Variants in LRBA observed in about 807,000 individuals in gnomAD.
The protein encoded by LRBA is lipopolysaccharide-responsive and beige-like anchor protein.
In LRBA, 176 loss-of-function variants were observed where a neutral mutation model predicts 330.0. That is an observed-to-expected ratio of 0.53 (90% CI 0.47 to 0.60). The LOEUF (loss-of-function observed/expected upper bound fraction) is 0.60, where lower values mean the gene tolerates loss of function less well. Among genes scored for constraint, LRBA ranks in the 20% least tolerant of loss-of-function variants. The pLI is 0.00. For missense variants in LRBA, 3,259 were observed against 3,444.8 expected (o/e 0.95, Z 1.35); for synonymous variants, 1,230 against 1,193.0 (o/e 1.03, Z -0.64).
At position 150,264,687 on chromosome 4, in the gene LRBA, C is replaced by T. The variant is rs1038843006; in HGVS notation, c.*1035G>A. ...ACAACATACAAAGAATTTATTTATG[C>T]AATACAGGCCTTTTCTCAAATATTT... On this transcript the variant is annotated 3_prime_UTR_variant, in exon 57 of 57. Transcript: ENST00000651943. The T allele has an allele frequency of 6.6e-6, 1 of 152,624 alleles. No homozygotes were observed. The highest frequency in any genetic ancestry group is 1.9e-4 in the East Asian group (1 of 5,200). 9.5% of individuals were successfully genotyped at this position (152,624 alleles called of 1,614,324 possible). A position where few individuals can be genotyped will look rare whatever the true frequency, so the allele number is the denominator to read the frequency against.
At chr4:150,378,963 T>G (rs1419891301) in intron 47 of LRBA, among the ~76,000 whole-genome samples, 5 of 151,984 alleles carry the variant, frequency 3.3e-5, no homozygotes. Flanking sequence ...TTGTATTAAT[T>G]TACCCATTAA....
At chr4:150,779,528 T>A (rs1174186791) in intron 34 of LRBA, among the ~76,000 whole-genome samples, 1 of 152,084 alleles carries the variant, frequency 6.6e-6, no homozygotes, top group Non-Finnish European at 1.5e-5. Flanking sequence ...AGAAATCTCA[T>A]ATATTTACTG....
intron 44 of LRBA, among the ~76,000 whole-genome samples, chr4:150,440,145 T>C (rs1751633483): frequency 6.6e-6 from 1 of 152,116 alleles, no homozygotes; most frequent in African/African-American, 2.4e-5. Context: ...GACAAAGTAT[T>C]TTTCTTAAAA....
intron 47 of LRBA, among the ~76,000 whole-genome samples, chr4:150,380,762 G>C (rs888764491): frequency 6.6e-6 from 1 of 151,774 alleles, no homozygotes; most frequent in Non-Finnish European, 1.5e-5. Context: ...GATTACCTGA[G>C]ATCAGGAGTT....
intron 44 of LRBA, among the ~76,000 whole-genome samples, chr4:150,466,698 T>C (rs1013455699): frequency 1.3e-5 from 2 of 152,008 alleles, no homozygotes; most frequent in African/African-American, 2.4e-5. Flanking sequence ...TAGAAATTAC[T>C]AAGGAAAGAA....
intron 44 of LRBA, among the ~76,000 whole-genome samples, chr4:150,442,192 A>C (rs1419053832): frequency 6.6e-6 from 1 of 152,168 alleles, no homozygotes; most frequent in African/African-American, 2.4e-5. Flanking sequence ...CAAAAGTCTC[A>C]AGGGAGTTTT....
chr4:150,963,797 C>CT (rs1315093230), intron 2 of LRBA, among the ~76,000 whole-genome samples: 2 of 139,954 alleles, frequency 1.4e-5, no homozygotes, highest in African/African-American at 5.8e-5. Context: ...CCGCCCGGCC[C>CT]CCCAGTCTGG....
intron 47 of LRBA, among the ~76,000 whole-genome samples, chr4:150,383,173 C>T (rs1343118155): frequency 2.0e-5 from 3 of 152,188 alleles, no homozygotes; most frequent in Non-Finnish European, 4.4e-5. Context: ...ACTAAGTACA[C>T]TGTTCTTTAA....
intron 39 of LRBA, among the ~76,000 whole-genome samples, 181 bp from the exon 40 acceptor site, chr4:150,588,365 A>C (rs116131641): frequency 1.3e-3 from 191 of 152,332 alleles, no homozygotes; most frequent in African/African-American, 4.4e-3. Context: ...CAAAGTCAGG[A>C]TTCTCATACT....
chr4:150,483,953 T>C (rs184522953), intron 42 of LRBA, among the ~76,000 whole-genome samples: 54 of 152,208 alleles, frequency 3.5e-4, no homozygotes, highest in African/African-American at 1.1e-3. Flanking sequence ...AGGGATAAAA[T>C]TGAGTTTTAT....
intron 2 of LRBA, among the ~76,000 whole-genome samples, chr4:150,942,619 T>C (rs1735800396): frequency 6.6e-6 from 1 of 152,218 alleles, no homozygotes; most frequent in African/African-American, 2.4e-5. Context: ...TTTCTTAGAA[T>C]GCACAGAAGC....
intron 37 of LRBA, among the ~76,000 whole-genome samples, chr4:150,639,753 A>ATGTGTGTATGTATG (rs755120231): frequency 3.8e-5 from 1 of 26,386 alleles, no homozygotes; most frequent in South Asian, 2.2e-3. Context: ...ATATATATAT[A>ATGTGTGTATGTATG]TATATATATA....
intron 2 of LRBA, among the ~76,000 whole-genome samples, chr4:150,936,903 T>C (rs1478431806): frequency 6.6e-6 from 1 of 152,078 alleles, no homozygotes; most frequent in African/African-American, 2.4e-5. Flanking sequence ...ATATCCTCCA[T>C]GCGATCTAAA....
chr4:150,386,238 T>A (rs1743036001), intron 47 of LRBA, among the ~76,000 whole-genome samples: 1 of 152,128 alleles, frequency 6.6e-6, no homozygotes, highest in South Asian at 2.1e-4. Context: ...AAAAAAAAAA[T>A]TAAATACCTT....
intron 28 of LRBA, among the ~76,000 whole-genome samples, chr4:150,839,485 T>C (rs950582346): frequency 1.7e-4 from 26 of 152,050 alleles, no homozygotes; most frequent in African/African-American, 5.8e-4. Flanking sequence ...TTGGAACCAA[T>C]CCAAATGTCC....
chr4:150,537,639 C>G (rs1764809218), intron 40 of LRBA, among the ~76,000 whole-genome samples: 1 of 151,912 alleles, frequency 6.6e-6, no homozygotes, highest in African/African-American at 2.4e-5. Flanking sequence ...CAAGCAAAAC[C>G]CAAAGAACCC....
intron 17 of LRBA, among the ~76,000 whole-genome samples, chr4:150,883,953 A>C (rs868128690): frequency 6.6e-6 from 1 of 152,236 alleles, no homozygotes; most frequent in Non-Finnish European, 1.5e-5. Context: ...CCATGAAAAA[A>C]GACAGGAATA....
chr4:150,841,365 A>C (rs986388925), intron 28 of LRBA, among the ~76,000 whole-genome samples: 1 of 152,210 alleles, frequency 6.6e-6, no homozygotes, highest in Non-Finnish European at 1.5e-5. Flanking sequence ...TTTACATTTA[A>C]ATCCTAACTC....
intron 34 of LRBA, among the ~76,000 whole-genome samples, chr4:150,767,046 C>T (rs1023946110): frequency 6.6e-6 from 1 of 151,910 alleles, no homozygotes; most frequent in Non-Finnish European, 1.5e-5. Flanking sequence ...CTACATAGAT[C>T]TCCACCAAAT....
Sources: gnomAD v4.1 joint callset for allele counts (sites outside exome capture counted in the v4.1 genomes callset) on GRCh38, gnomAD v4.1.1 for gene constraint, MANE v1.5 for transcripts, NCBI Gene and HGNC (gene_info 2026-07-23, HGNC 2026-07-21) for gene names.